PACRG: variants seen among roughly 807,000 people sequenced by gnomAD.
The protein encoded by PACRG is parkin coregulated gene protein.
A neutral mutation model predicts 29.7 loss-of-function variants in PACRG; 29 were observed. The observed-to-expected ratio is 0.98, with a 90% CI of 0.73 to 1.33. The LOEUF (loss-of-function observed/expected upper bound fraction) is 1.33, where lower values mean the gene tolerates loss of function less well. PACRG is among the 40% of genes most tolerant of loss of function. The pLI is 0.00. For synonymous variants in PACRG, 116 were observed against 118.7 expected (o/e 0.98, Z 0.15); for missense variants, 279 against 316.2 (o/e 0.88, Z 0.89).
At chr6:162,929,639 A>G (rs2128104466) in intron 2 of PACRG, among the ~76,000 whole-genome samples, 1 of 151,944 alleles carries the variant, frequency 6.6e-6, no homozygotes, top group East Asian at 1.9e-4. Context: ...GTCTTACACA[A>G]AAGATGCTTA....
At chr6:162,923,269 G>A (rs1233414309) in intron 2 of PACRG, among the ~76,000 whole-genome samples, 2 of 152,032 alleles carry the variant, frequency 1.3e-5, no homozygotes, top group Admixed American at 1.3e-4. Flanking sequence ...GCATATTCTG[G>A]TGTTCGTCCC....
At position 163,315,004 on chromosome 6, in the gene PACRG, G is replaced by C. The variant is rs1261349895; in HGVS notation, c.*17G>C. 1.5e-5 allele frequency: 24 copies of C among 1,610,224 alleles called. No homozygotes were observed. In the African/African-American group the frequency reaches 1.9e-4, roughly 13 times the overall value. ...CTAAACTAACAGTGGCAGCAGCTGG[G>C]ACTTGAAACCTCCCGTTGGTGTTGG... is the stretch of plus-strand genomic sequence containing the variant. On this transcript the variant is annotated 3_prime_UTR_variant, in exon 5 of 5. Transcript: ENST00000366888.
At chr6:163,177,568 C>T (rs1779428669) in intron 4 of PACRG, among the ~76,000 whole-genome samples, 1 of 152,068 alleles carries the variant, frequency 6.6e-6, no homozygotes, top group South Asian at 2.1e-4. Flanking sequence ...CCACAAGTTA[C>T]AGGAGGCTGC....
In PACRG at chr6:163,274,865, T is replaced by C. The variant is rs1421428156; in HGVS notation, c.614-39962T>C. Among the ~76,000 whole-genome samples, 8 of 141,806 alleles carry C rather than the reference T, an allele frequency of 5.6e-5. No homozygotes were observed. In the East Asian group the frequency reaches 5.8e-4, roughly 10 times the overall value. 93.0% of individuals were successfully genotyped at this position (141,806 alleles called of 152,430 possible). ...TTTTCTTTTCTTTCTTTCTTTCTTT[T>C]TTTTTTTTTTTTGAGATAGAGTCTC... On this transcript the variant is annotated intron_variant, in intron 4 of 4. Transcript: ENST00000366888.
chr6:163,261,524 G>C (rs1783325622), intron 4 of PACRG, among the ~76,000 whole-genome samples: 1 of 152,086 alleles, frequency 6.6e-6, no homozygotes, highest in African/African-American at 2.4e-5. Context: ...TCCAAAGAAA[G>C]TTCTCAGCTT....
At chr6:162,968,874 C>T (rs1467743212) in intron 2 of PACRG, among the ~76,000 whole-genome samples, 1 of 151,706 alleles carries the variant, frequency 6.6e-6, no homozygotes, top group East Asian at 1.9e-4. Flanking sequence ...TGGCGAAACC[C>T]CGTCTGTACT....
intron 2 of PACRG, among the ~76,000 whole-genome samples, chr6:163,060,099 TA>T (rs879496779): frequency 6.6e-6 from 1 of 151,524 alleles, no homozygotes; most frequent in African/African-American, 2.4e-5. Context: ...AAAAAGTAAA[TA>T]AAAAACAACA....
chr6:163,147,807 G>A (rs1311661138), intron 4 of PACRG, among the ~76,000 whole-genome samples: 2 of 152,030 alleles, frequency 1.3e-5, no homozygotes, highest in African/African-American at 2.4e-5. Flanking sequence ...TCCCAGCCAC[G>A]CTTCACATCT....
At chr6:163,058,112 A>G (rs1450885928) in intron 2 of PACRG, among the ~76,000 whole-genome samples, 1 of 152,226 alleles carries the variant, frequency 6.6e-6, no homozygotes, top group Non-Finnish European at 1.5e-5. Context: ...AGAGAAGGGT[A>G]AATTTTGTTC....
At chr6:162,960,421 A>G (rs1800512913) in intron 2 of PACRG, among the ~76,000 whole-genome samples, 1 of 152,270 alleles carries the variant, frequency 6.6e-6, no homozygotes, top group Non-Finnish European at 1.5e-5. Flanking sequence ...AATACTACAC[A>G]GCCTTAAAAA....
At chr6:163,177,642 C>G (rs1459228349) in intron 4 of PACRG, among the ~76,000 whole-genome samples, 1 of 147,678 alleles carries the variant, frequency 6.8e-6, no homozygotes, top group Non-Finnish European at 1.5e-5. Context: ...ATAAAGCCCC[C>G]TCTCGTGAGA....
chr6:162,815,656 G>A (rs544593826), intron 2 of PACRG, among the ~76,000 whole-genome samples: 1 of 151,894 alleles, frequency 6.6e-6, no homozygotes, highest in East Asian at 1.9e-4. Flanking sequence ...CGTATGATGA[G>A]AAAAAATTTA....
intron 1 of PACRG, among the ~76,000 whole-genome samples, chr6:162,793,155 A>G (rs1785097224): frequency 6.6e-6 from 1 of 152,202 alleles, no homozygotes; most frequent in Non-Finnish European, 1.5e-5. Flanking sequence ...TTTTCAAAAA[A>G]TGCTGTGAGT....
intron 4 of PACRG, among the ~76,000 whole-genome samples, chr6:163,301,304 C>G (rs1410728864): frequency 6.6e-6 from 1 of 152,220 alleles, no homozygotes; most frequent in Non-Finnish European, 1.5e-5. Flanking sequence ...GTGCCATTTG[C>G]AGAAGAAGAG....
chr6:163,042,333 G>T (rs1808815025), intron 2 of PACRG, among the ~76,000 whole-genome samples: 1 of 152,192 alleles, frequency 6.6e-6, no homozygotes, highest in Non-Finnish European at 1.5e-5. Flanking sequence ...ATCCTAAATA[G>T]CGATGCTTGG....
intron 4 of PACRG, chr6:163,182,723 T>C (rs1779729471): frequency 6.6e-6 from 1 of 152,270 alleles, no homozygotes; most frequent in African/African-American, 2.4e-5. Flanking sequence ...TCTTCAGAAC[T>C]AATCTTAAGT....
intron 3 of PACRG, among the ~76,000 whole-genome samples, chr6:163,080,025 A>C (rs527560756): frequency 6.9e-6 from 1 of 145,748 alleles, no homozygotes; most frequent in South Asian, 2.2e-4. Context: ...AGCCTCCCTT[A>C]GTAGCTGAAA....
At chr6:163,232,839 G>C (rs1207525915) in intron 4 of PACRG, among the ~76,000 whole-genome samples, 1 of 152,156 alleles carries the variant, frequency 6.6e-6, no homozygotes, top group African/African-American at 2.4e-5. Context: ...ACGCTCCCAG[G>C]AGGAGGCCCT....
chr6:163,159,726 T>G (rs146393851), intron 4 of PACRG, among the ~76,000 whole-genome samples: 11 of 152,170 alleles, frequency 7.2e-5, no homozygotes, highest in African/African-American at 1.9e-4. Context: ...GGGTGTCGAG[T>G]GTTCTCTCGG....
Sources: allele counts gnomAD v4.1 joint callset (sites outside exome capture counted in the v4.1 genomes callset), GRCh38; gene constraint gnomAD v4.1.1; transcripts MANE v1.5; gene names NCBI Gene and HGNC (gene_info 2026-07-23, HGNC 2026-07-21).